ECPAS: variants seen among roughly 807,000 people sequenced by gnomAD.
The protein encoded by ECPAS is proteasome adapter and scaffold protein ECM29.
ECPAS carries 70 observed loss-of-function variants against 255.1 expected under a neutral mutation model. That is an observed-to-expected ratio of 0.27 (90% confidence interval 0.23 to 0.33). The LOEUF is 0.33. Ranked by LOEUF, ECPAS falls within the 10% of genes least tolerant of loss-of-function variation. The probability of loss-of-function intolerance (pLI) is 1.00; values close to 1 mark genes in which losing one functional copy is unlikely to be tolerated. For missense variants in ECPAS, 1,817 were observed against 2,206.4 expected (o/e 0.82, Z 3.54); for synonymous variants, 784 against 775.0 (o/e 1.01, Z -0.19).
At position 111,363,672 on chromosome 9, in the gene ECPAS, A is replaced by G. The variant is rs1474059584; in HGVS notation, c.5309-13T>C. ...TAGGTCTTATTTTCTAAAAAGAAAT[A>G]TCATACAGTTCATATGGCCTGCCTG... On this transcript the variant is annotated splice_polypyrimidine_tract_variant and intron_variant, in intron 48 of 49. Transcript: ENST00000684092. 6.8e-6 allele frequency: 9 copies of G among 1,320,178 alleles called. No homozygotes were observed. Among genetic ancestry groups the G allele is most frequent in the Non-Finnish European group, 9.6e-6 (9 of 941,002 alleles). 81.8% of individuals were successfully genotyped at this position (1,320,178 alleles called of 1,614,324 possible).
At chr9:111,447,318 T>C (rs1348555330) in intron 3 of ECPAS, among the ~76,000 whole-genome samples, 2 of 152,042 alleles carry the variant, frequency 1.3e-5, no homozygotes, top group East Asian at 3.9e-4. Flanking sequence ...ATAAATGAGA[T>C]CTTGCTATGT....
chr9:111,414,239 T>C (rs929509805), intron 19 of ECPAS, among the ~76,000 whole-genome samples, 190 bp downstream of exon 19: 28 of 152,370 alleles, frequency 1.8e-4, no homozygotes, highest in Admixed American at 1.6e-3. Context: ...TATTTATCTA[T>C]TGTTAGCATT....
chr9:111,444,003 A>T (rs1564549715), intron 4 of ECPAS, among the ~76,000 whole-genome samples: 3 of 152,000 alleles, frequency 2.0e-5, no homozygotes, highest in African/African-American at 7.3e-5. Flanking sequence ...CATTTTACTA[A>T]TTTTTTCTTC....
intron 42 of ECPAS, 104 bp downstream of exon 42, chr9:111,372,325 T>A: frequency 9.2e-7 from 1 of 1,084,906 alleles, no homozygotes; most frequent in Non-Finnish European, 1.4e-6. Flanking sequence ...CATATTAAGG[T>A]CCTGGGAAAG....
At chr9:111,453,602 T>C (rs148199353) in intron 2 of ECPAS, among the ~76,000 whole-genome samples, 2,030 of 152,288 alleles carry the variant, frequency 0.013, 23 homozygotes, top group Non-Finnish European at 0.021. Flanking sequence ...AACTTCACAG[T>C]AGAGAAAACT....
At chr9:111,375,479 C>A (rs535329332) in intron 37 of ECPAS, among the ~76,000 whole-genome samples, 6 of 152,214 alleles carry the variant, frequency 3.9e-5, no homozygotes, top group Non-Finnish European at 7.4e-5. Context: ...AATGAAGAAT[C>A]TTTCTGGGCC....
Position 111,412,119 on chromosome 9 carries a change from C to T in ECPAS, c.2109G>A (p.Met703Ile). The change falls in exon 21 of 50, where the codon ATG becomes ATA. Residue 703 changes from methionine to isoleucine, a missense_variant. By Grantham distance (10) the Met-to-Ile change is conservative (BLOSUM62 1). Transcript: ENST00000684092. ...KSLMNNSKEEMRELAALFYSV... is the reference protein window; with the variant it reads ...KSLMNNSKEEIRELAALFYSV... ...AATAAAACAACGCTGCCAGTTCGCG[C>T]ATTTCTTCTTTACTGTTATTCATCA... 6.3e-7 allele frequency: 1 copy of T among 1,589,826 alleles called. No homozygotes were observed. Among genetic ancestry groups the T allele is most frequent in the Non-Finnish European group, 8.5e-7 (1 of 1,173,160 alleles).
At chr9:111,408,410 T>TA (rs758443318) in intron 24 of ECPAS, among the ~76,000 whole-genome samples, 161 bp downstream of exon 24, 1 of 151,810 alleles carries the variant, frequency 6.6e-6, no homozygotes, top group Non-Finnish European at 1.5e-5. Flanking sequence ...ATGCTATACC[T>TA]AGCACAGTGA....
At chr9:111,372,891 G>T (rs1293809718) in intron 41 of ECPAS, among the ~76,000 whole-genome samples, 1 of 152,062 alleles carries the variant, frequency 6.6e-6, no homozygotes, top group Non-Finnish European at 1.5e-5. Context: ...AATTAACCAG[G>T]CGTGGTGGCA....
chr9:111,410,325 T>C, intron 22 of ECPAS, 112 bp from the exon 23 acceptor site: 2 of 815,502 alleles, frequency 2.5e-6, no homozygotes, highest in South Asian at 4.4e-5. Context: ...AATCAAAGTG[T>C]ACGATATCTT....
At chr9:111,397,971 T>C (rs1423146428) in intron 24 of ECPAS, among the ~76,000 whole-genome samples, 3 of 152,230 alleles carry the variant, frequency 2.0e-5, no homozygotes, top group Admixed American at 2.0e-4. Context: ...CATGATTCAC[T>C]AGTAGGAGTC....
intron 25 of ECPAS, among the ~76,000 whole-genome samples, chr9:111,395,267 C>T (rs2098165935): frequency 6.6e-6 from 1 of 152,098 alleles, no homozygotes; most frequent in South Asian, 2.1e-4. Context: ...CCATAACATG[C>T]CCAGGATATT....
At chr9:111,397,461 C>G (rs1206439211) in intron 24 of ECPAS, among the ~76,000 whole-genome samples, 1 of 152,176 alleles carries the variant, frequency 6.6e-6, no homozygotes, top group African/African-American at 2.4e-5. Flanking sequence ...CAGAAAACCC[C>G]ATCAACTTTG....
chr9:111,373,351 C>T lies in ECPAS; in HGVS notation c.4233G>A (p.Gln1411=). Residue 1411 remains glutamine, a synonymous_variant, in exon 40 of 50, where the codon CAG becomes CAA. Coordinates refer to ENST00000684092, the MANE Select transcript of ECPAS (RefSeq NM_001364929.1). The part of the protein sequence containing the change: ...SGLTDRNSVI[Q]KSCAFAMGHL... ...GGCCCATAGCAAATGCACAAGATTT[C>T]TGAATCACACTGTTCCGATCTGTCA... 6.2e-7 allele frequency: 1 copy of T among 1,613,874 alleles called. No individual in the cohort carries two copies. The highest frequency in any genetic ancestry group is 1.7e-5 in the Admixed American group (1 of 60,022).
At chr9:111,407,707 T>C (rs2098187334) in intron 24 of ECPAS, among the ~76,000 whole-genome samples, 1 of 152,106 alleles carries the variant, frequency 6.6e-6, no homozygotes, top group South Asian at 2.1e-4. Context: ...AGACATACAC[T>C]AACTCTTCCT....
In ECPAS at chr9:111,369,155, C is replaced by T; in HGVS notation, c.4993G>A (p.Gly1665Arg). Residue 1665 changes from glycine to arginine, a missense_variant, in exon 46 of 50, where the codon GGG becomes AGG. This residue lies in a region of ECPAS where 960 missense variants were observed against 1,179.0 expected (regional missense o/e 0.81). Transcript: ENST00000684092. Reference protein sequence around the residue: ...LIKKNSLESSGVRTTKNEEEN... With the variant: ...LIKKNSLESSRVRTTKNEEEN... ...TCTTCATTTTTGGTTGTCCGGACCC[C>T]ACTGCTTTCAAGTGAGTTCTAGGAT... 3.2e-6 allele frequency: 5 copies of T among 1,586,478 alleles called. No individual in the cohort carries two copies. The highest frequency in any genetic ancestry group is 4.3e-6 in the Non-Finnish European group (5 of 1,171,380).
Position 111,397,161 on chromosome 9 carries a change from G to A in ECPAS, c.2653-8C>T, listed in dbSNP as rs761991381. The A allele has an allele frequency of 3.2e-5, 52 of 1,612,840 alleles. No homozygotes were observed. Among genetic ancestry groups the A allele is most frequent in the East Asian group, 1.1e-4 (5 of 44,850 alleles). The stretch of plus-strand genomic sequence containing the variant: ...AAGTTCTATCTGCTTGGCCTGCAAC[G>A]AAGGAAGTAAAAACCATGAATGAGA... On this transcript the variant is annotated splice_region_variant and splice_polypyrimidine_tract_variant and intron_variant, in intron 24 of 49. Transcript: ENST00000684092.
chr9:111,447,900 G>GCT (rs1263227702), intron 3 of ECPAS, among the ~76,000 whole-genome samples: 1 of 152,050 alleles, frequency 6.6e-6, no homozygotes, highest in Non-Finnish European at 1.5e-5. Context: ...ACAGCCCCTT[G>GCT]AAGACACCAG....
chr9:111,450,473 G>A (rs770159572), intron 3 of ECPAS, among the ~76,000 whole-genome samples: 28 of 152,170 alleles, frequency 1.8e-4, no homozygotes, highest in Non-Finnish European at 3.7e-4. Flanking sequence ...ATCCCTCTCA[G>A]GGCAGACCTC....
Sources: gnomAD v4.1 joint callset for allele counts (sites outside exome capture counted in the v4.1 genomes callset) on GRCh38, gnomAD v4.1.1 for gene constraint, gnomAD v4.1.1 regional missense constraint, MANE v1.5 for transcripts, NCBI Gene and HGNC (gene_info 2026-07-23, HGNC 2026-07-21) for gene names.